CCDC149: variants seen among roughly 807,000 people sequenced by gnomAD.
The protein encoded by CCDC149 is coiled-coil domain containing 149.
A neutral mutation model predicts 59.9 loss-of-function variants in CCDC149; 45 were observed. The observed-to-expected ratio is 0.75, with a 90% CI of 0.59 to 0.96. The LOEUF (loss-of-function observed/expected upper bound fraction) is 0.96. Ranked by LOEUF, CCDC149 falls within the 40% of genes least tolerant of loss-of-function variation. CCDC149 has a pLI of 0.00. For missense variants in CCDC149, 584 were observed against 664.7 expected, an observed-to-expected ratio of 0.88 and a Z score of 1.33; for synonymous variants, 245 against 260.6, an observed-to-expected ratio of 0.94 and a Z score of 0.58.
At chr4:24,876,045 G>A (rs565915390) in intron 2 of CCDC149, among the ~76,000 whole-genome samples, 1 of 151,998 alleles carries the variant, frequency 6.6e-6, no homozygotes, top group African/African-American at 2.4e-5. Context: ...TCCCACCTGG[G>A]ATGTGAATCA....
intron 1 of CCDC149, among the ~76,000 whole-genome samples, chr4:24,877,916 T>C (rs1719567093): frequency 6.6e-6 from 1 of 152,184 alleles, no homozygotes; most frequent in South Asian, 2.1e-4. Context: ...TATTCACATA[T>C]GTGAAATGTG....
chr4:24,865,607 G>A (rs535394453), intron 3 of CCDC149, among the ~76,000 whole-genome samples: 16 of 152,242 alleles, frequency 1.1e-4, no homozygotes, highest in Admixed American at 2.0e-4. Context: ...CTGCCACCTC[G>A]TAATCTCAAA....
At chr4:24,855,703 C>G (rs1717962650) in intron 3 of CCDC149, among the ~76,000 whole-genome samples, 1 of 152,226 alleles carries the variant, frequency 6.6e-6, no homozygotes, top group Non-Finnish European at 1.5e-5. Context: ...AATTTTTCAG[C>G]CCCCTATTTG....
intron 1 of CCDC149, among the ~76,000 whole-genome samples, chr4:24,918,549 GC>G (rs1329713592): frequency 6.6e-6 from 1 of 152,180 alleles, no homozygotes; most frequent in Non-Finnish European, 1.5e-5. Context: ...CCTGGGCCAG[GC>G]CTTGCTCTGC....
At chr4:24,925,384 T>G (rs992981581) in intron 1 of CCDC149, among the ~76,000 whole-genome samples, 7 of 152,226 alleles carry the variant, frequency 4.6e-5, no homozygotes, top group African/African-American at 1.7e-4. Context: ...TTTAGCCTGG[T>G]TCTTGCCTTT....
intron 1 of CCDC149, among the ~76,000 whole-genome samples, chr4:24,939,403 T>C (rs895147661): frequency 1.8e-4 from 28 of 152,090 alleles, no homozygotes; most frequent in African/African-American, 6.8e-4. Flanking sequence ...TACGTCACCA[T>C]CATCAAAGAC....
At chr4:24,950,397 A>C (rs1169516529) in intron 1 of CCDC149, among the ~76,000 whole-genome samples, 1 of 152,256 alleles carries the variant, frequency 6.6e-6, no homozygotes, top group African/African-American at 2.4e-5. Flanking sequence ...CCTGACACAG[A>C]GTAAGCGCAA....
At chr4:24,861,537 C>T (rs1355247793) in intron 3 of CCDC149, among the ~76,000 whole-genome samples, 15 of 152,004 alleles carry the variant, frequency 9.9e-5, no homozygotes, top group Non-Finnish European at 1.3e-4. Context: ...GTACAGTGCA[C>T]ACTGCTCAGG....
intron 4 of CCDC149, among the ~76,000 whole-genome samples, chr4:24,839,059 CACAGAGAGAGAGAGAGAA>C (rs1193326725): frequency 3.3e-4 from 39 of 118,952 alleles, no homozygotes; most frequent in Admixed American, 3.0e-3. Flanking sequence ...CACACACACA[CACAGAGAGAGAGAGAGAA>C]AGAGAGAGAG....
intron 2 of CCDC149, among the ~76,000 whole-genome samples, chr4:24,876,141 A>G (rs1291140114): frequency 2.0e-5 from 3 of 152,070 alleles, no homozygotes; most frequent in Non-Finnish European, 2.9e-5. Context: ...TCAAAAAAAC[A>G]ACAGTATATG....
At position 24,924,815 on chromosome 4, in the gene CCDC149, C is replaced by A. The variant is rs116077240; in HGVS notation, c.-64-29697G>T. 3.9e-3 allele frequency among the ~76,000 whole-genome samples: 592 copies of A among 152,256 alleles called. 4 individuals carry two copies. Among genetic ancestry groups the A allele is most frequent in the African/African-American group, 0.014 (575 of 41,538 alleles). On this transcript the variant is annotated intron_variant, in intron 1 of 12. Transcript: ENST00000389609. The stretch of plus-strand genomic sequence containing the variant: ...AGTCAAAAACTTGTCCAGATGCCAC[C>A]TCTTGAGTATGGATGAGTATCAAGG...
chr4:24,914,385 G>GAAAAAAAA (rs201825269), upstream of CCDC149, among the ~76,000 whole-genome samples: 1 of 120,176 alleles, frequency 8.3e-6, no homozygotes. Context: ...TGTGTTACCA[G>GAAAAAAAA]AAAAAAAAAA....
At chr4:24,816,902 T>C (rs1371045818) in intron 12 of CCDC149, among the ~76,000 whole-genome samples, 1 of 152,160 alleles carries the variant, frequency 6.6e-6, no homozygotes, top group Non-Finnish European at 1.5e-5. Context: ...CATCTTCCTT[T>C]GTTAGTTGCT....
chr4:24,867,575 G>C (rs980333389), intron 3 of CCDC149, among the ~76,000 whole-genome samples: 5 of 152,334 alleles, frequency 3.3e-5, no homozygotes, highest in Non-Finnish European at 7.4e-5. Context: ...TAGAGCAGCG[G>C]CTCTTAAATG....
At chr4:24,926,510 G>C (rs1266036748) in intron 1 of CCDC149, among the ~76,000 whole-genome samples, 1 of 152,100 alleles carries the variant, frequency 6.6e-6, no homozygotes, top group Admixed American at 6.5e-5. Flanking sequence ...AACCCACTGC[G>C]GAGTGTCCCA....
chr4:24,856,536 G>C (rs1211472984), intron 3 of CCDC149, among the ~76,000 whole-genome samples: 1 of 152,202 alleles, frequency 6.6e-6, no homozygotes, highest in African/African-American at 2.4e-5. Context: ...GAGCCTTGTA[G>C]ATATCTTGGA....
chr4:24,877,206 G>A (rs1414506743), intron 1 of CCDC149, among the ~76,000 whole-genome samples: 1 of 151,942 alleles, frequency 6.6e-6, no homozygotes, highest in East Asian at 1.9e-4. Context: ...TGTTTTTTGA[G>A]ACGGAGTCTT....
chr4:24,847,755 C>T (rs1177592565), intron 4 of CCDC149, among the ~76,000 whole-genome samples: 1 of 152,210 alleles, frequency 6.6e-6, no homozygotes, highest in Non-Finnish European at 1.5e-5. Flanking sequence ...GTCTGACAAT[C>T]TTAAAAGGTG....
In CCDC149 at chr4:24,875,905, G is replaced by A. The variant is rs962889794; in HGVS notation, c.225+631C>T. Reference sequence around the variant, plus strand: ...ATACAGTAGTCCCCACCTGTCCTCAGTTTCAGGTACCTGAGATCAACCATG... The same window carrying A: ...ATACAGTAGTCCCCACCTGTCCTCAATTTCAGGTACCTGAGATCAACCATG... On this transcript the variant is annotated intron_variant, in intron 2 of 12. Transcript: ENST00000635206. 8.5e-5 allele frequency among the ~76,000 whole-genome samples: 13 copies of A among 152,088 alleles called. 1 individual carries two copies. Among genetic ancestry groups the A allele is most frequent in the Non-Finnish European group, 1.2e-4 (8 of 68,026 alleles).
Sources: allele counts gnomAD v4.1 joint callset (sites outside exome capture counted in the v4.1 genomes callset), GRCh38; gene constraint gnomAD v4.1.1; transcripts MANE v1.5; gene names NCBI Gene and HGNC (gene_info 2026-07-23, HGNC 2026-07-21).